PPM1H: variants seen among roughly 807,000 people sequenced by gnomAD.
The protein encoded by PPM1H is protein phosphatase, Mg2+/Mn2+ dependent 1H.
In PPM1H, 27 loss-of-function variants were observed where a neutral mutation model predicts 54.9. The ratio of observed to expected loss-of-function variants is 0.49; its 90% confidence interval spans 0.36 to 0.68. PPM1H has a LOEUF of 0.68. Among genes scored for constraint, PPM1H ranks in the 30% least tolerant of loss-of-function variants. The pLI is 0.00. For missense variants in PPM1H, 596 were observed against 667.8 expected (o/e 0.89, Z 1.19); for synonymous variants, 305 against 270.8 (o/e 1.13, Z -1.24).
At chr12:62,812,329 C>A (rs940905935) in intron 2 of PPM1H, among the ~76,000 whole-genome samples, 1 of 152,044 alleles carries the variant, frequency 6.6e-6, no homozygotes, top group African/African-American at 2.4e-5. Flanking sequence ...TGACATAATA[C>A]CTTCAAAATT....
chr12:62,916,396 T>A (rs576172861), intron 1 of PPM1H, among the ~76,000 whole-genome samples: 1 of 152,222 alleles, frequency 6.6e-6, no homozygotes, highest in East Asian at 1.9e-4. Context: ...TGTTTTGGTA[T>A]CTGTCTCATA....
chr12:62,793,990 G>C (rs967976253), intron 3 of PPM1H, among the ~76,000 whole-genome samples: 1 of 151,984 alleles, frequency 6.6e-6, no homozygotes, highest in African/African-American at 2.4e-5. Flanking sequence ...GCTCCCCCTA[G>C]CTGAGTTAAA....
intron 1 of PPM1H, among the ~76,000 whole-genome samples, chr12:62,909,765 G>C (rs977126513): frequency 7.9e-5 from 12 of 152,174 alleles, no homozygotes; most frequent in African/African-American, 2.7e-4. Context: ...CTAGAATAGA[G>C]GCTGTCTGTG....
chr12:62,839,337 G>T (rs1351328817), intron 1 of PPM1H, among the ~76,000 whole-genome samples: 1 of 152,132 alleles, frequency 6.6e-6, no homozygotes, highest in Non-Finnish European at 1.5e-5. Context: ...CAATCAGATT[G>T]ATATTTTAAA....
At chr12:62,777,556 T>C (rs898117851) in intron 4 of PPM1H, among the ~76,000 whole-genome samples, 1 of 152,228 alleles carries the variant, frequency 6.6e-6, no homozygotes, top group African/African-American at 2.4e-5. Context: ...GTTTATCATA[T>C]GCAAACCGAG....
chr12:62,807,040 C>G (rs530166509), intron 2 of PPM1H, among the ~76,000 whole-genome samples: 15 of 152,138 alleles, frequency 9.9e-5, no homozygotes, highest in African/African-American at 2.9e-4. Context: ...GAGAGAATCC[C>G]AAGCAGTAGC....
intron 1 of PPM1H, among the ~76,000 whole-genome samples, chr12:62,900,796 T>C (rs1156635939): frequency 6.6e-6 from 1 of 152,192 alleles, no homozygotes. Flanking sequence ...ATAGTACAGA[T>C]AGGACTTAAG....
At chr12:62,748,175 G>A (rs2076422923) in intron 4 of PPM1H, among the ~76,000 whole-genome samples, 2 of 151,912 alleles carry the variant, frequency 1.3e-5, no homozygotes, top group South Asian at 2.1e-4. Flanking sequence ...CCCGGGAGGC[G>A]GAGCTTGCAG....
intron 1 of PPM1H, among the ~76,000 whole-genome samples, chr12:62,892,760 C>G (rs1394292283): frequency 6.6e-6 from 1 of 152,144 alleles, no homozygotes; most frequent in Non-Finnish European, 1.5e-5. Context: ...ATGCTATCAA[C>G]AGTAAATACA....
chr12:62,902,543 T>C (rs1871190546), intron 1 of PPM1H, among the ~76,000 whole-genome samples: 1 of 152,210 alleles, frequency 6.6e-6, no homozygotes, highest in Admixed American at 6.5e-5. Flanking sequence ...CACAGCCTGA[T>C]AAGGCTCTCA....
intron 9 of PPM1H, chr12:62,659,162 T>C (rs2075865605): frequency 4.2e-6 from 3 of 719,414 alleles, no homozygotes; most frequent in Non-Finnish European, 5.1e-6. Context: ...TGGAAAGAGC[T>C]GCCCAGCTGG....
chr12:62,764,958 C>T (rs1412948717), intron 4 of PPM1H, among the ~76,000 whole-genome samples: 1 of 152,216 alleles, frequency 6.6e-6, no homozygotes, highest in Non-Finnish European at 1.5e-5. Context: ...AGGAAGAGGA[C>T]AGGCTCAGGG....
chr12:62,817,217 C>T (rs1475807740), intron 2 of PPM1H, among the ~76,000 whole-genome samples: 11 of 137,560 alleles, frequency 8.0e-5, no homozygotes, highest in African/African-American at 3.0e-4. Context: ...TATCCCAGCA[C>T]TTTGGGAGGC....
intron 4 of PPM1H, among the ~76,000 whole-genome samples, chr12:62,785,728 A>G (rs1157291578): frequency 6.6e-6 from 1 of 152,120 alleles, no homozygotes; most frequent in African/African-American, 2.4e-5. Flanking sequence ...AGCCCAGAAG[A>G]TGAACTCTTG....
chr12:62,842,842 A>T (rs927151659), intron 1 of PPM1H, among the ~76,000 whole-genome samples: 24 of 152,172 alleles, frequency 1.6e-4, no homozygotes, highest in Non-Finnish European at 2.9e-4. Flanking sequence ...TACAGCTTTT[A>T]AGAGCAGAGA....
chr12:62,898,771 A>G (rs1363639044), intron 1 of PPM1H, among the ~76,000 whole-genome samples: 1 of 152,236 alleles, frequency 6.6e-6, no homozygotes, highest in Non-Finnish European at 1.5e-5. Flanking sequence ...GAATGCCTGT[A>G]TGACTCATGG....
At chr12:62,711,260 G>C (rs1263100494) in intron 6 of PPM1H, among the ~76,000 whole-genome samples, 1 of 152,186 alleles carries the variant, frequency 6.6e-6, no homozygotes, top group Non-Finnish European at 1.5e-5. Context: ...CCAAAGTGTT[G>C]GGATTACAGG....
At chr12:62,708,466 C>G (rs2076187944) in intron 6 of PPM1H, among the ~76,000 whole-genome samples, 1 of 152,192 alleles carries the variant, frequency 6.6e-6, no homozygotes, top group Admixed American at 6.5e-5. Context: ...ACCTGGAGAG[C>G]TGGGAAAAGC....
chr12:62,725,372 C>T (rs1052692694), intron 5 of PPM1H, among the ~76,000 whole-genome samples: 1 of 152,176 alleles, frequency 6.6e-6, no homozygotes, highest in Non-Finnish European at 1.5e-5. Flanking sequence ...TGAAGCAGGT[C>T]ACAGGATCCT....
Sources: gnomAD v4.1 joint callset for allele counts (sites outside exome capture counted in the v4.1 genomes callset) on GRCh38, gnomAD v4.1.1 for gene constraint, MANE v1.5 for transcripts, NCBI Gene and HGNC (gene_info 2026-07-23, HGNC 2026-07-21) for gene names.